PAK1: variants seen among roughly 807,000 people sequenced by gnomAD.
PAK1 encodes the protein serine/threonine-protein kinase PAK 1.
PAK1 carries 29 observed loss-of-function variants against 67.4 expected under a neutral mutation model. That is an observed-to-expected ratio of 0.43 (90% CI 0.32 to 0.59). PAK1 has a LOEUF of 0.59. PAK1 is among the 20% of genes least tolerant of loss of function. PAK1 has a pLI of 0.07. For synonymous variants in PAK1, 223 were observed against 237.4 expected, an observed-to-expected ratio of 0.94 and a Z score of 0.56; for missense variants, 337 against 670.7, an observed-to-expected ratio of 0.50 and a Z score of 5.50.
chr11:77,359,158 G>A (rs997815029), intron 5 of PAK1, 141 bp from the exon 6 acceptor site: 61 of 711,180 alleles, frequency 8.6e-5, no homozygotes, highest in Non-Finnish European at 1.1e-4. Flanking sequence ...TCACCTTTGT[G>A]TAGCTAGTCT....
chr11:77,387,832 A>G (rs1292063249), intron 2 of PAK1, among the ~76,000 whole-genome samples: 3 of 152,240 alleles, frequency 2.0e-5, no homozygotes, highest in Non-Finnish European at 4.4e-5. Context: ...CAGCTGGTAT[A>G]AATGCTCAAA....
chr11:77,458,264 T>A (rs1466304864), intron 1 of PAK1, among the ~76,000 whole-genome samples: 1 of 152,242 alleles, frequency 6.6e-6, no homozygotes, highest in Non-Finnish European at 1.5e-5. Flanking sequence ...CCCACAAAGT[T>A]AATTCTTAGA....
At chr11:77,433,257 T>C (rs1030942702) in intron 1 of PAK1, among the ~76,000 whole-genome samples, 4 of 152,178 alleles carry the variant, frequency 2.6e-5, no homozygotes, top group Non-Finnish European at 4.4e-5. Context: ...GAGGAAAACA[T>C]AGGTGTAAAT....
At position 77,322,211 on chromosome 11, in the gene PAK1, G is replaced by T. The variant is rs1938623056; in HGVS notation, c.*1063C>A. On this transcript the variant is annotated 3_prime_UTR_variant, in exon 15 of 15. Coordinates refer to ENST00000356341, the MANE Select transcript of PAK1 (RefSeq NM_002576.5). ...CAAACATCCCCAACACCCAGTGTAA[G>T]CATTTCCATTTGCAGAGAGCTTGGC... is the stretch of plus-strand genomic sequence containing the variant. 2 of 200,682 alleles carry T rather than the reference G, an allele frequency of 1.0e-5. No homozygotes were observed. The highest frequency in any genetic ancestry group is 2.3e-5 in the African/African-American group (1 of 43,440). The allele number at this position is 200,682 out of a possible 1,614,324, so 12.4% of individuals were successfully genotyped here.
chr11:77,471,881 ATGCCC>A (rs773717865), intron 1 of PAK1, among the ~76,000 whole-genome samples: 1 of 152,164 alleles, frequency 6.6e-6, no homozygotes, highest in East Asian at 1.9e-4. Context: ...TTTTTACCAA[ATGCCC>A]TGTTATGGAT....
chr11:77,368,969 C>T (rs992202913), intron 5 of PAK1, among the ~76,000 whole-genome samples: 1 of 152,132 alleles, frequency 6.6e-6, no homozygotes, highest in African/African-American at 2.4e-5. Context: ...GGTGGTAAAC[C>T]TTGATCTTCA....
chr11:77,324,655 T>C (rs1939270885), intron 14 of PAK1, among the ~76,000 whole-genome samples: 1 of 152,094 alleles, frequency 6.6e-6, no homozygotes, highest in Admixed American at 6.6e-5. Context: ...AGAACCAGAT[T>C]TGACCTCTAA....
the PAK1 span, among the ~76,000 whole-genome samples, chr11:77,522,829 A>G: frequency 6.6e-6 from 1 of 152,240 alleles, no homozygotes; most frequent in South Asian, 2.1e-4. Flanking sequence ...CTAGGTGCCC[A>G]TCAATGGTGG....
the PAK1 span, among the ~76,000 whole-genome samples, chr11:77,499,795 G>C: frequency 6.6e-6 from 1 of 151,394 alleles, no homozygotes; most frequent in African/African-American, 2.4e-5. Flanking sequence ...TGCTGACACT[G>C]CACACACACA....
rs139878276 is a variant in PAK1, at chr11:77,323,007, A to G, written c.*267T>C. 3.1e-6 allele frequency: 2 copies of G among 654,104 alleles called. No individual in the cohort carries two copies. Among genetic ancestry groups the G allele is most frequent in the Admixed American group, 2.5e-5 (1 of 40,484 alleles). The allele number at this position is 654,104 out of a possible 1,614,324, so 40.5% of individuals were successfully genotyped here. A position where few individuals can be genotyped will look rare whatever the true frequency, so the allele number is the denominator to read the frequency against. Reference sequence around the variant, plus strand: ...CGGAAGACTAGAAACATTTATTTATATAAACCCTTAATCATAAACCACCCT... The same window carrying G: ...CGGAAGACTAGAAACATTTATTTATGTAAACCCTTAATCATAAACCACCCT... On this transcript the variant is annotated 3_prime_UTR_variant, in exon 15 of 15. Transcript: ENST00000356341.
At chr11:77,459,704 T>G (rs1300959783) in intron 1 of PAK1, among the ~76,000 whole-genome samples, 1 of 150,200 alleles carries the variant, frequency 6.7e-6, no homozygotes, top group African/African-American at 2.4e-5. Flanking sequence ...TTTTTTTTTT[T>G]TTTTTTGAGA....
intron 1 of PAK1, among the ~76,000 whole-genome samples, chr11:77,468,208 T>C (rs1957687305): frequency 6.6e-6 from 1 of 152,204 alleles, no homozygotes. Context: ...TTCCCAATCC[T>C]GCATGCAAAT....
the PAK1 span, among the ~76,000 whole-genome samples, chr11:77,519,505 C>T: frequency 6.6e-6 from 1 of 152,230 alleles, no homozygotes; most frequent in African/African-American, 2.4e-5. Context: ...GGCTGTCCCA[C>T]TCTGAGTGTA....
At chr11:77,472,797 TG>T (rs1415085694) in intron 1 of PAK1, among the ~76,000 whole-genome samples, 2 of 152,150 alleles carry the variant, frequency 1.3e-5, no homozygotes, top group Non-Finnish European at 2.9e-5. Flanking sequence ...TCACAGTTTT[TG>T]TAACAGTAGA....
At chr11:77,410,660 G>A (rs1954372589) in intron 1 of PAK1, among the ~76,000 whole-genome samples, 2 of 151,446 alleles carry the variant, frequency 1.3e-5, no homozygotes, top group Non-Finnish European at 2.9e-5. Flanking sequence ...ATGAGGGGAG[G>A]AGGAAGGGTG....
intron 1 of PAK1, among the ~76,000 whole-genome samples, chr11:77,441,517 G>T (rs960081589): frequency 1.3e-5 from 2 of 152,182 alleles, no homozygotes; most frequent in Non-Finnish European, 2.9e-5. Context: ...GGCTGAAATG[G>T]AGGTGGATAA....
intron 1 of PAK1, among the ~76,000 whole-genome samples, chr11:77,470,250 A>C (rs932845055): frequency 1.3e-5 from 2 of 152,198 alleles, no homozygotes; most frequent in African/African-American, 4.8e-5. Context: ...AAAATTTTTT[A>C]AAAGTCTGCC....
chr11:77,438,406 G>A (rs970199354), intron 1 of PAK1, among the ~76,000 whole-genome samples: 4 of 152,154 alleles, frequency 2.6e-5, no homozygotes, highest in African/African-American at 9.7e-5. Flanking sequence ...TTAAACATGA[G>A]ATTTGGGCCC....
At chr11:77,433,173 T>A (rs1440840465) in intron 1 of PAK1, among the ~76,000 whole-genome samples, 1 of 152,192 alleles carries the variant, frequency 6.6e-6, no homozygotes, top group African/African-American at 2.4e-5. Flanking sequence ...CTCTATCACC[T>A]CATACCACAT....
Sources: gnomAD v4.1 joint callset for allele counts (sites outside exome capture counted in the v4.1 genomes callset) on GRCh38, gnomAD v4.1.1 for gene constraint, MANE v1.5 for transcripts, NCBI Gene and HGNC (gene_info 2026-07-23, HGNC 2026-07-21) for gene names.